Variants in NCAM2 observed in about 807,000 individuals in gnomAD.
The protein encoded by NCAM2 is neural cell adhesion molecule 2.
A neutral mutation model predicts 98.1 loss-of-function variants in NCAM2; 30 were observed. That is an observed-to-expected ratio of 0.31 (90% CI 0.23 to 0.41). NCAM2 has a LOEUF of 0.41. NCAM2 is among the 10% of genes least tolerant of loss of function. The pLI is 1.00. For missense variants in NCAM2, 867 were observed against 1,005.8 expected (o/e 0.86, Z 1.87); for synonymous variants, 368 against 342.4 (o/e 1.07, Z -0.83).
chr21:21,126,973 C>T (rs8127313), intron 1 of NCAM2, among the ~76,000 whole-genome samples: 5,129 of 151,968 alleles, frequency 0.034, 250 homozygotes, highest in African/African-American at 0.11. Context: ...CTAAATTTTA[C>T]TCTCTCATCT....
chr21:21,474,334 A>G (rs1188796044), intron 14 of NCAM2, among the ~76,000 whole-genome samples: 2 of 152,022 alleles, frequency 1.3e-5, no homozygotes, highest in Non-Finnish European at 2.9e-5. Context: ...GGGCCCTTTA[A>G]TTTATCATAT....
At chr21:21,408,522 C>G (rs1315636929) in intron 9 of NCAM2, among the ~76,000 whole-genome samples, 1 of 152,046 alleles carries the variant, frequency 6.6e-6, no homozygotes, top group African/African-American at 2.4e-5. Context: ...AGAATTGTTT[C>G]AATTATATTC....
chr21:21,521,640 G>A (rs1989021736), intron 16 of NCAM2, among the ~76,000 whole-genome samples: 1 of 151,960 alleles, frequency 6.6e-6, no homozygotes, highest in South Asian at 2.1e-4. Flanking sequence ...AGAAACAGCT[G>A]AAGAAAGAAT....
intron 15 of NCAM2, among the ~76,000 whole-genome samples, chr21:21,490,113 A>G (rs1404180064): frequency 7.2e-5 from 11 of 152,088 alleles, no homozygotes; most frequent in African/African-American, 4.8e-5. Flanking sequence ...GTAATAATTC[A>G]ACATATTCCC....
chr21:21,457,089 T>C (rs941157010), intron 12 of NCAM2, among the ~76,000 whole-genome samples: 13 of 152,180 alleles, frequency 8.5e-5, no homozygotes, highest in Non-Finnish European at 2.9e-5. Flanking sequence ...AATTGGGTAA[T>C]GGCTAGAAGC....
chr21:21,399,072 C>T (rs2076575473), intron 9 of NCAM2, among the ~76,000 whole-genome samples: 2 of 152,132 alleles, frequency 1.3e-5, no homozygotes, highest in South Asian at 4.2e-4. Context: ...GGGTGGCAGA[C>T]ATCTGAGTGT....
At chr21:21,217,139 A>G (rs906202408) in intron 1 of NCAM2, among the ~76,000 whole-genome samples, 1 of 152,192 alleles carries the variant, frequency 6.6e-6, no homozygotes. Flanking sequence ...TTTTGCTGTC[A>G]TGGTATGTGA....
intron 1 of NCAM2, among the ~76,000 whole-genome samples, chr21:21,238,119 C>A (rs887211812): frequency 1.3e-5 from 2 of 151,796 alleles, no homozygotes; most frequent in Non-Finnish European, 2.9e-5. Flanking sequence ...CCACGCCCGG[C>A]CAATTTTTTG....
At chr21:21,130,178 CT>C in intron 1 of NCAM2, among the ~76,000 whole-genome samples, 1 of 152,090 alleles carries the variant, frequency 6.6e-6, no homozygotes, top group Non-Finnish European at 1.5e-5. Context: ...TGTGAAATGT[CT>C]TTTGAATTGT....
intron 1 of NCAM2, among the ~76,000 whole-genome samples, chr21:21,078,812 A>G (rs2065733131): frequency 6.6e-6 from 1 of 152,236 alleles, no homozygotes; most frequent in East Asian, 1.9e-4. Context: ...TAGATTAGAT[A>G]AAGAAAATAT....
In NCAM2 at chr21:21,251,076, G is replaced by A. The variant is rs749054495; in HGVS notation, c.56-29502G>A. On this transcript the variant is annotated intron_variant, in intron 1 of 17. Coordinates refer to ENST00000400546, the MANE Select transcript of NCAM2 (RefSeq NM_004540.5). ...TCCTGGGGAAAGGATTAAATGTGTC[G>A]TGATTTTTTTTCCTTATTGATTATA... Among the ~76,000 whole-genome samples, 18 of 152,216 alleles carry A rather than the reference G, an allele frequency of 1.2e-4. No homozygotes were observed. In the East Asian group the frequency reaches 1.4e-3, roughly 11 times the overall value.
At position 21,539,344 on chromosome 21, in the gene NCAM2, C is replaced by T. The variant is rs1990139009; in HGVS notation, c.*1387C>T. On this transcript the variant is annotated 3_prime_UTR_variant, in exon 18 of 18. Transcript: ENST00000400546. ...ATTAACCTTGAGAGCCAAAGGTTTC[C>T]TTAGGCCCTGTAACATTCAGAACCT... 1 of 152,086 alleles carries T rather than the reference C, an allele frequency of 6.6e-6. No individual in the cohort carries two copies. The highest frequency in any genetic ancestry group is 2.4e-5 in the African/African-American group (1 of 41,408). 9.4% of individuals were successfully genotyped at this position (152,086 alleles called of 1,614,324 possible).
intron 1 of NCAM2, among the ~76,000 whole-genome samples, chr21:21,080,040 G>C (rs1317014733): frequency 1.3e-5 from 2 of 152,070 alleles, no homozygotes; most frequent in African/African-American, 2.4e-5. Flanking sequence ...TTAAAATTTT[G>C]TTAAGAGGGT....
intron 14 of NCAM2, among the ~76,000 whole-genome samples, chr21:21,474,386 C>G (rs1331716204): frequency 6.6e-6 from 1 of 152,010 alleles, no homozygotes; most frequent in Non-Finnish European, 1.5e-5. Context: ...TGTTAATTTA[C>G]AAGAGACTGC....
At chr21:21,034,066 C>G (rs1182106974) in intron 1 of NCAM2, among the ~76,000 whole-genome samples, 1 of 150,102 alleles carries the variant, frequency 6.7e-6, no homozygotes, top group Non-Finnish European at 1.5e-5. Flanking sequence ...GGGGGGGAAA[C>G]AAAGATTGAG....
At chr21:21,281,612 C>T (rs1056321905) in intron 2 of NCAM2, among the ~76,000 whole-genome samples, 13 of 151,996 alleles carry the variant, frequency 8.6e-5, no homozygotes, top group African/African-American at 3.1e-4. Flanking sequence ...CAAATGAATG[C>T]ATTATTTATT....
rs151286916 is a variant in NCAM2 at position 21,154,093 on chromosome 21, T to C, written c.56-126485T>C. ...GAGATGCCTGCTGCATGTTCATGTA[T>C]ATTGTCTGTTTGGCACTTAAATTAT... On this transcript the variant is annotated intron_variant, in intron 1 of 17. Coordinates refer to ENST00000400546, the MANE Select transcript of NCAM2 (RefSeq NM_004540.5). Among the ~76,000 whole-genome samples the C allele has an allele frequency of 2.6e-3, 393 of 152,044 alleles. 7 individuals carry two copies. The South Asian group carries it at 0.04, about 15-fold the overall frequency.
At chr21:21,364,188 A>G (rs1184884392) in intron 8 of NCAM2, among the ~76,000 whole-genome samples, 1 of 151,940 alleles carries the variant, frequency 6.6e-6, no homozygotes, top group Non-Finnish European at 1.5e-5. Context: ...CGGTTTTCAG[A>G]TTTTAATTTT....
chr21:21,009,836 G>T (rs965598468), intron 1 of NCAM2, among the ~76,000 whole-genome samples: 15 of 150,158 alleles, frequency 1.0e-4, no homozygotes, highest in South Asian at 4.2e-4. Context: ...GTTTTAAAAA[G>T]ATGAAATTTC....
Sources: allele counts gnomAD v4.1 joint callset (sites outside exome capture counted in the v4.1 genomes callset), GRCh38; gene constraint gnomAD v4.1.1; transcripts MANE v1.5; gene names NCBI Gene and HGNC (gene_info 2026-07-23, HGNC 2026-07-21).